CACNB2: variants seen among roughly 807,000 people sequenced by gnomAD.
CACNB2 encodes the protein calcium voltage-gated channel auxiliary subunit beta 2, also known as voltage-dependent L-type calcium channel subunit beta-2.
A neutral mutation model predicts 73.3 loss-of-function variants in CACNB2; 42 were observed. The ratio of observed to expected loss-of-function variants is 0.57; its 90% CI spans 0.45 to 0.74. CACNB2 has a LOEUF of 0.74. CACNB2 is among the 30% of genes least tolerant of loss of function. The pLI is 0.00. For missense variants in CACNB2, 940 were observed against 853.0 expected (o/e 1.10, Z -1.27); for synonymous variants, 348 against 310.3 (o/e 1.12, Z -1.28).
At chr10:18,516,266 T>C (rs1422113000) in intron 7 of CACNB2, among the ~76,000 whole-genome samples, 1 of 149,954 alleles carries the variant, frequency 6.7e-6, no homozygotes, top group African/African-American at 2.5e-5. Flanking sequence ...CAGGGAAGAG[T>C]AGATAAAAAT....
At chr10:18,383,571 C>G (rs2043103725) in intron 2 of CACNB2, among the ~76,000 whole-genome samples, 1 of 152,156 alleles carries the variant, frequency 6.6e-6, no homozygotes, top group East Asian at 1.9e-4. Context: ...AGAGGCAACA[C>G]AAATCCCTAC....
At chr10:18,261,808 G>T (rs1197833843) in intron 2 of CACNB2, among the ~76,000 whole-genome samples, 2 of 152,128 alleles carry the variant, frequency 1.3e-5, no homozygotes, top group African/African-American at 2.4e-5. Flanking sequence ...TGTTGCAACA[G>T]CTTTATCATC....
intron 2 of CACNB2, among the ~76,000 whole-genome samples, chr10:18,218,679 C>A (rs1334847538): frequency 1.3e-5 from 2 of 151,812 alleles, no homozygotes; most frequent in African/African-American, 4.8e-5. Context: ...ACCATCCTGG[C>A]TAACACAGTG....
intron 3 of CACNB2, among the ~76,000 whole-genome samples, chr10:18,408,231 CTTTTTTTTTT>C (rs71402161): frequency 1.3e-5 from 1 of 77,994 alleles, no homozygotes; most frequent in South Asian, 5.6e-4. Context: ...CTATCCCTGA[CTTTTTTTTTT>C]TTTTTTTTTT....
At chr10:18,280,779 A>C (rs574479081) in intron 2 of CACNB2, among the ~76,000 whole-genome samples, 3 of 152,338 alleles carry the variant, frequency 2.0e-5, no homozygotes, top group Non-Finnish European at 4.4e-5. Context: ...TTTCTCTTAC[A>C]AAACAGAAAT....
intron 3 of CACNB2, among the ~76,000 whole-genome samples, chr10:18,495,193 GGGTGAAT>G (rs1433508571): frequency 1.3e-5 from 2 of 151,710 alleles, no homozygotes; most frequent in African/African-American, 4.8e-5. Flanking sequence ...TATCAAAGAA[GGGTGAAT>G]GGTGAATGGT....
chr10:18,493,024 A>C (rs1020831960), intron 3 of CACNB2, among the ~76,000 whole-genome samples: 1 of 152,254 alleles, frequency 6.6e-6, no homozygotes, highest in Non-Finnish European at 1.5e-5. Context: ...AATGTTAAAA[A>C]AAAATTACAA....
intron 2 of CACNB2, among the ~76,000 whole-genome samples, chr10:18,327,543 G>C (rs901034010): frequency 4.6e-5 from 7 of 152,130 alleles, no homozygotes; most frequent in African/African-American, 1.4e-4. Flanking sequence ...TCCTGCCTCA[G>C]CCTCCTGAGT....
At chr10:18,486,487 A>T (rs2049065494) in intron 3 of CACNB2, among the ~76,000 whole-genome samples, 1 of 152,122 alleles carries the variant, frequency 6.6e-6, no homozygotes, top group Non-Finnish European at 1.5e-5. Context: ...AACATTAACC[A>T]CCTCTCTGAC....
At chr10:18,209,708 T>C (rs2035240877) in intron 2 of CACNB2, among the ~76,000 whole-genome samples, 1 of 152,156 alleles carries the variant, frequency 6.6e-6, no homozygotes, top group African/African-American at 2.4e-5. Context: ...GCCGACAAAT[T>C]TGCTTTTAGG....
intron 3 of CACNB2, among the ~76,000 whole-genome samples, chr10:18,489,353 G>T (rs1475209611): frequency 8.0e-6 from 1 of 125,308 alleles, no homozygotes; most frequent in Non-Finnish European, 1.6e-5. Flanking sequence ...CCTAACCATT[G>T]CACCCTAGCC....
intron 2 of CACNB2, among the ~76,000 whole-genome samples, chr10:18,289,535 C>G (rs1337831530): frequency 2.8e-4 from 42 of 152,036 alleles, no homozygotes; most frequent in Non-Finnish European, 1.3e-4. Flanking sequence ...ACCTCGTGAT[C>G]TGCCCGTCTC....
chr10:18,270,855 A>G (rs2038022457), intron 2 of CACNB2, among the ~76,000 whole-genome samples: 1 of 152,186 alleles, frequency 6.6e-6, no homozygotes, highest in South Asian at 2.1e-4. Flanking sequence ...CCCAGCAAGA[A>G]TGCCTGGCCT....
intron 2 of CACNB2, among the ~76,000 whole-genome samples, chr10:18,201,378 A>G (rs1044892583): frequency 2.6e-5 from 4 of 151,190 alleles, no homozygotes; most frequent in African/African-American, 9.7e-5. Flanking sequence ...GGGCTCAAGC[A>G]GTTCTCCTGC....
chr10:18,384,699 C>T (rs2043151475), intron 2 of CACNB2, among the ~76,000 whole-genome samples: 1 of 151,516 alleles, frequency 6.6e-6, no homozygotes, highest in South Asian at 2.1e-4. Flanking sequence ...CATTGTACTC[C>T]AGCCTGGGTG....
intron 2 of CACNB2, among the ~76,000 whole-genome samples, chr10:18,237,067 GA>G (rs2036473457): frequency 6.6e-6 from 1 of 152,196 alleles, no homozygotes; most frequent in Non-Finnish European, 1.5e-5. Flanking sequence ...TCTCAAAGGC[GA>G]AAGGGTGAGT....
intron 2 of CACNB2, among the ~76,000 whole-genome samples, chr10:18,193,242 G>T (rs2034482464): frequency 1.4e-5 from 2 of 143,992 alleles, no homozygotes; most frequent in Admixed American, 7.1e-5. Context: ...TAATAATCCT[G>T]TGTGTAACTT....
At chr10:18,340,862 T>G (rs770561937) in intron 2 of CACNB2, 154 of 1,613,980 alleles carry the variant, frequency 9.5e-5, no homozygotes, top group Non-Finnish European at 2.1e-5. Flanking sequence ...TAGCTAGTCC[T>G]GAATTCTTGC....
rs71402148 is a variant in CACNB2 at position 18,150,855 on chromosome 10, C to CTTTTTTTTTTTTTTTTTTTTTTTTTTT, written c.121-3_121-2insTTTTTTTTTTTTTTTTTTTTTTTTTTT. On this transcript the variant is annotated intron_variant, in intron 1 of 13. Transcript: ENST00000324631. ...AGGGTCTCATAATAATCTTATTTGTCTTTTTTTTTTTTTTTTTTTTTTTTT... is the reference window on the plus strand; with the variant it reads ...AGGGTCTCATAATAATCTTATTTGTCTTTTTTTTTTTTTTTTTTTTTTTTTTTTTTTTTTTTTTTTTTTTTTTTTTTT... 2.7e-4 allele frequency: 130 copies of CTTTTTTTTTTTTTTTTTTTTTTTTTTT among 484,668 alleles called. 18 individuals carry two copies. The highest frequency in any genetic ancestry group is 1.3e-3 in the African/African-American group (28 of 22,378). The allele number at this position is 484,668 out of a possible 1,614,324, so 30.0% of individuals were successfully genotyped here.
Sources: allele counts gnomAD v4.1 joint callset (sites outside exome capture counted in the v4.1 genomes callset), GRCh38; gene constraint gnomAD v4.1.1; transcripts MANE v1.5; gene names NCBI Gene and HGNC (gene_info 2026-07-23, HGNC 2026-07-21).